DERL1: variants seen among roughly 807,000 people sequenced by gnomAD.
DERL1 encodes the protein derlin-1.
Under a neutral mutation model 41.6 loss-of-function variants are expected in DERL1, and 24 were observed. The ratio of observed to expected loss-of-function variants is 0.58; its 90% CI spans 0.42 to 0.81. DERL1 has a LOEUF of 0.81. Ranked by LOEUF, DERL1 falls within the 30% of genes least tolerant of loss-of-function variation. The pLI, the probability that DERL1 is intolerant of heterozygous loss-of-function variation, is 0.00. For synonymous variants in DERL1, 124 were observed against 112.5 expected, an observed-to-expected ratio of 1.10 and a Z score of -0.65; for missense variants, 260 against 314.3, an observed-to-expected ratio of 0.83 and a Z score of 1.31.
intron 2 of DERL1, among the ~76,000 whole-genome samples, chr8:123,028,547 G>GT (rs1852376516): frequency 6.6e-6 from 1 of 152,112 alleles, no homozygotes. Context: ...GCATAACATT[G>GT]TGAATATACT....
intron 7 of DERL1, chr8:123,016,186 A>G (rs969070967): frequency 4.6e-5 from 7 of 152,190 alleles, no homozygotes; most frequent in African/African-American, 1.4e-4. Context: ...GGGGCCCCAG[A>G]CGGTTAGATG....
At chr8:123,022,074 C>A (rs1176093129) in intron 5 of DERL1, among the ~76,000 whole-genome samples, 1 of 152,190 alleles carries the variant, frequency 6.6e-6, no homozygotes, top group Non-Finnish European at 1.5e-5. Context: ...CAAGAAACTT[C>A]ACAAACTAGG....
intron 2 of DERL1, 32 bp from the exon 3 acceptor site, chr8:123,025,082 T>TCACATGA: frequency 2.5e-6 from 4 of 1,606,356 alleles, no homozygotes; most frequent in Non-Finnish European, 3.4e-6. Context: ...ATGTCATGGT[T>TCACATGA]CAGAATTTCA....
At chr8:123,032,135 AT>A (rs33993122) in intron 1 of DERL1, among the ~76,000 whole-genome samples, 23,168 of 149,642 alleles carry the variant, frequency 0.15, 1,945 homozygotes, top group Non-Finnish European at 0.18. Flanking sequence ...CTGGATTTAC[AT>A]TTTTTTTTTC....
intron 5 of DERL1, 88 bp from the exon 6 acceptor site, chr8:123,021,587 C>T: frequency 1.7e-6 from 2 of 1,147,450 alleles, no homozygotes; most frequent in Non-Finnish European, 2.6e-6. Context: ...TAAGGATACA[C>T]TGACAAGGGC....
At chr8:123,015,761 T>A in intron 7 of DERL1, 176 bp from the exon 8 acceptor site, 1 of 656,254 alleles carries the variant, frequency 1.5e-6, no homozygotes, top group Non-Finnish European at 2.3e-6. Flanking sequence ...CCCCATGACC[T>A]GACCACAGAC....
chr8:123,025,742 C>G (rs918134325), intron 2 of DERL1: 6 of 152,228 alleles, frequency 3.9e-5, no homozygotes, highest in African/African-American at 1.4e-4. Context: ...GCCTCTGACT[C>G]AGTCCTCATA....
At chr8:123,016,909 A>G in intron 7 of DERL1, 1 of 152,090 alleles carries the variant, frequency 6.6e-6, no homozygotes, top group Non-Finnish European at 1.5e-5. Context: ...GCATGATCTC[A>G]GCTCACTGCA....
intron 5 of DERL1, among the ~76,000 whole-genome samples, chr8:123,022,146 C>A (rs1332539312): frequency 6.6e-6 from 1 of 152,052 alleles, no homozygotes; most frequent in Non-Finnish European, 1.5e-5. Flanking sequence ...AAGAGAAACA[C>A]AAAGTATTGA....
intron 7 of DERL1, chr8:123,016,403 C>T (rs1005614301): frequency 6.6e-6 from 1 of 152,152 alleles, no homozygotes; most frequent in African/African-American, 2.4e-5. Context: ...GATCTGATAC[C>T]TCCGCTTAAA....
chr8:123,034,689 C>T (rs1812887440), intron 1 of DERL1, among the ~76,000 whole-genome samples: 2 of 152,166 alleles, frequency 1.3e-5, no homozygotes, highest in Non-Finnish European at 2.9e-5. Flanking sequence ...GGTACAATTA[C>T]AATTAGTGTA....
rs1014319452 is a variant in DERL1 at position 123,013,546 on chromosome 8, T to C, written c.*1901A>G. ...AGAAACATAATCCAGACAAAATCAA[T>C]AACGTCATCAGCTTCCTAACCATGT... is the stretch of plus-strand genomic sequence containing the variant. On this transcript the variant is annotated 3_prime_UTR_variant, in exon 8 of 8. Transcript: ENST00000259512. The C allele has an allele frequency of 6.6e-6, 1 of 152,128 alleles. No individual in the cohort carries two copies. The highest frequency in any genetic ancestry group is 1.5e-5 in the Non-Finnish European group (1 of 68,018). The allele number at this position is 152,128 out of a possible 1,614,324, so 9.4% of individuals were successfully genotyped here.
chr8:123,033,624 T>G (rs2130489463), intron 1 of DERL1, among the ~76,000 whole-genome samples: 1 of 152,246 alleles, frequency 6.6e-6, no homozygotes, highest in East Asian at 1.9e-4. Context: ...ATGCCTGTAA[T>G]CCCAGCTACT....
chr8:123,025,156 C>A, intron 2 of DERL1, 106 bp from the exon 3 acceptor site: 5 of 1,192,722 alleles, frequency 4.2e-6, no homozygotes, highest in African/African-American at 1.6e-5. Context: ...AAAATGAGAA[C>A]ATTTTAAAAA....
chr8:123,021,700 G>C (rs1431961037), intron 5 of DERL1, among the ~76,000 whole-genome samples: 1 of 152,110 alleles, frequency 6.6e-6, no homozygotes, highest in Non-Finnish European at 1.5e-5. Context: ...ACTTAATTGT[G>C]TATTTGTAAC....
At chr8:123,036,787 A>C (rs1812939049) in intron 1 of DERL1, among the ~76,000 whole-genome samples, 2 of 152,164 alleles carry the variant, frequency 1.3e-5, no homozygotes, top group South Asian at 4.1e-4. Context: ...CCTATAGTCC[A>C]AGTTCATTCT....
rs984583610 is a variant in DERL1 at position 123,022,685 on chromosome 8, T to C, written c.452A>G (p.Lys151Arg). Residue 151 changes from lysine (K) to arginine (R), a missense_variant and splice_region_variant, in exon 5 of 8, where the codon AAG becomes AGG. Coordinates refer to ENST00000259512, the MANE Select transcript of DERL1 (RefSeq NM_024295.6). ...ACTTTTCCAACCAAGGCAAAGTACCTTAAATCGTGTTCCAAACCAAAATGA... is the reference window on the plus strand; with the variant it reads ...ACTTTTCCAACCAAGGCAAAGTACCCTAAATCGTGTTCCAAACCAAAATGA... ...IVSFWFGTRF[K>R]ACYLPWVILG... 3.7e-6 allele frequency: 6 copies of C among 1,614,010 alleles called. No individual in the cohort carries two copies. In the Admixed American group the frequency reaches 8.3e-5, roughly 22 times the overall value.
At chr8:123,025,080 G>A (rs1412046718) in intron 2 of DERL1, 30 bp from the exon 3 acceptor site, 10 of 1,606,628 alleles carry the variant, frequency 6.2e-6, no homozygotes, top group Non-Finnish European at 8.5e-7. Flanking sequence ...AAATGTCATG[G>A]TTCAGAATTT....
In DERL1 at chr8:123,022,709, G is replaced by C; in HGVS notation, c.428C>G (p.Ser143Ter). Residue 143 changes from serine (S) to a stop codon, truncating the protein, a stop_gained, in exon 5 of 8, where the codon TCA (serine) becomes TGA (stop). Transcript: ENST00000259512. LOFTEE classifies it high-confidence loss of function. ...WAQLNRDMIVSFWFGTRFKAC... is the reference protein window; with the variant it reads ...WAQLNRDMIV The stretch of plus-strand genomic sequence containing the variant: ...CTTAAATCGTGTTCCAAACCAAAAT[G>C]ATACAATCATGTCTCTGTTCAGCTG... 1 of 1,614,070 alleles carries C rather than the reference G, an allele frequency of 6.2e-7. No individual in the cohort carries two copies. The highest frequency in any genetic ancestry group is 8.5e-7 in the Non-Finnish European group (1 of 1,179,982).
Sources: gnomAD v4.1 joint callset for allele counts (sites outside exome capture counted in the v4.1 genomes callset) on GRCh38, gnomAD v4.1.1 for gene constraint, MANE v1.5 for transcripts, NCBI Gene and HGNC (gene_info 2026-07-23, HGNC 2026-07-21) for gene names.